Variants in VANGL1 observed in about 807,000 individuals in gnomAD.
VANGL1 encodes vang-like protein 1.
Under a neutral mutation model 48.4 loss-of-function variants are expected in VANGL1, and 18 were observed. The ratio of observed to expected loss-of-function variants is 0.37; its 90% CI spans 0.26 to 0.55. The LOEUF (loss-of-function observed/expected upper bound fraction) is 0.55. Among genes scored for constraint, VANGL1 ranks in the 20% least tolerant of loss-of-function variants. The pLI, the probability that VANGL1 is intolerant of heterozygous loss-of-function variation, is 0.81. For synonymous variants in VANGL1, 257 were observed against 261.8 expected, an observed-to-expected ratio of 0.98 and a Z score of 0.18; for missense variants, 667 against 675.8, an observed-to-expected ratio of 0.99 and a Z score of 0.14.
rs1652473076 is a variant in VANGL1, at chr1:115,659,630, TTG to T, written c.72-9_72-8del. The T allele has an allele frequency of 6.2e-7, 1 of 1,614,022 alleles. No individual in the cohort carries two copies. Among genetic ancestry groups the T allele is most frequent in the Admixed American group, 1.7e-5 (1 of 59,990 alleles). On this transcript the variant is annotated splice_polypyrimidine_tract_variant and intron_variant, in intron 2 of 7. Coordinates refer to ENST00000355485, the MANE Select transcript of VANGL1 (RefSeq NM_138959.3). ...ATGGCATAAATGTGCTAGCTCATTG[TTG>T]TTTTTCAGGGAAAGAACTAGAGAGA...
chr1:115,666,646 G>A (rs918755180), intron 4 of VANGL1, among the ~76,000 whole-genome samples: 1 of 152,186 alleles, frequency 6.6e-6, no homozygotes, highest in African/African-American at 2.4e-5. Context: ...ATCTGCCCTG[G>A]GGAGAGCGTT....
rs185472377 is a variant in VANGL1 at position 115,683,666 on chromosome 1, A to G, written c.947-278A>G. Among the ~76,000 whole-genome samples the G allele has an allele frequency of 1.4e-3, 220 of 152,282 alleles. 1 individual carries two copies. Among genetic ancestry groups the G allele is most frequent in the Admixed American group, 0.013 (201 of 15,294 alleles). ...ACTCTATGTGTTGTTTTTGGCCAAC[A>G]TTTTAATTGCCACCGTTCTTCATGC... On this transcript the variant is annotated intron_variant, in intron 5 of 7. Transcript: ENST00000355485.
At chr1:115,659,537 GT>G in intron 2 of VANGL1, 103 bp from the exon 3 acceptor site, 2 of 1,294,456 alleles carry the variant, frequency 1.5e-6, no homozygotes, top group Non-Finnish European at 2.2e-6. Context: ...GTGTGTGTGT[GT>G]GTATGTAGAA....
chr1:115,688,704 C>T lies in VANGL1; in HGVS notation c.1315-2415C>T, dbSNP rs544738634. Among the ~76,000 whole-genome samples the T allele has an allele frequency of 1.5e-5, 2 of 137,474 alleles. 1 individual carries two copies. The highest frequency in any genetic ancestry group is 4.1e-4 in the East Asian group (2 of 4,900). 90.2% of individuals were successfully genotyped at this position (137,474 alleles called of 152,430 possible). A position where few individuals can be genotyped will look rare whatever the true frequency, so the allele number is the denominator to read the frequency against. Reference sequence around the variant, plus strand: ...TGAGATTTTTTATTTCCCACATACTCGGGAGCATTGGATGTTATTTTTTAA... The same window carrying T: ...TGAGATTTTTTATTTCCCACATACTTGGGAGCATTGGATGTTATTTTTTAA... On this transcript the variant is annotated intron_variant, in intron 7 of 7. Coordinates refer to ENST00000355485, the MANE Select transcript of VANGL1 (RefSeq NM_138959.3).
At chr1:115,646,493 CT>C (rs34575210) in intron 1 of VANGL1, among the ~76,000 whole-genome samples, 1,457 of 128,644 alleles carry the variant, frequency 0.011, 16 homozygotes, top group African/African-American at 0.03. Flanking sequence ...AGTAGTATAG[CT>C]TTTTTTTTTT....
At position 115,663,748 on chromosome 1, in the gene VANGL1, G is replaced by T. The variant is rs1338555204; in HGVS notation, c.292G>T (p.Asp98Tyr). ...SQEDIARISK[D>Y]MEDSVGLDCK... is the part of the protein sequence containing the mutation. ...AGAGGACATTGCCAGGATCAGCAAG[G>T]ACATGGAGGACAGCGTGGGGCTGGA... Residue 98 changes from aspartate (D) to tyrosine (Y), a missense_variant, in exon 4 of 8, where the codon GAC becomes TAC. Asp to Tyr is a radical substitution (Grantham distance 160). Transcript: ENST00000355485. The T allele has an allele frequency of 6.2e-7, 1 of 1,614,116 alleles. No individual in the cohort carries two copies. Among genetic ancestry groups the T allele is most frequent in the Non-Finnish European group, 8.5e-7 (1 of 1,180,052 alleles).
At chr1:115,654,583 C>T (rs61800296) in intron 2 of VANGL1, among the ~76,000 whole-genome samples, 6,032 of 151,556 alleles carry the variant, frequency 0.04, 180 homozygotes, top group Non-Finnish European at 0.06. Context: ...GTTTACCCAC[C>T]AGCTGAAATG....
At chr1:115,665,996 A>G (rs1224420984) in intron 4 of VANGL1, among the ~76,000 whole-genome samples, 2 of 152,222 alleles carry the variant, frequency 1.3e-5, no homozygotes, top group African/African-American at 4.8e-5. Flanking sequence ...ATAGGAACAC[A>G]GGAGGACAGA....
rs780171641 is a variant in VANGL1 at position 115,695,665 on chromosome 1, C to T, written c.*4286C>T. The T allele has an allele frequency of 4.6e-5, 7 of 152,172 alleles. No individual in the cohort carries two copies. Among genetic ancestry groups the T allele is most frequent in the African/African-American group, 1.4e-4 (6 of 41,430 alleles). The allele number at this position is 152,172 out of a possible 1,614,324, so 9.4% of individuals were successfully genotyped here. A position where few individuals can be genotyped will look rare whatever the true frequency, so the allele number is the denominator to read the frequency against. ...TTATCAGGTAATGTATGTCACAGTC[C>T]GTGTTCCACCCAGCCTTGTTATCCC... On this transcript the variant is annotated 3_prime_UTR_variant, in exon 8 of 8. Coordinates refer to ENST00000355485, the MANE Select transcript of VANGL1 (RefSeq NM_138959.3).
In VANGL1 at chr1:115,692,175, T is replaced by C. The variant is rs1057242305; in HGVS notation, c.*796T>C. The C allele has an allele frequency of 6.6e-6, 1 of 152,572 alleles. No homozygotes were observed. Among genetic ancestry groups the C allele is most frequent in the Admixed American group, 6.5e-5 (1 of 15,274 alleles). 9.5% of individuals were successfully genotyped at this position (152,572 alleles called of 1,614,324 possible). On this transcript the variant is annotated 3_prime_UTR_variant, in exon 8 of 8. Transcript: ENST00000355485. ...GCCTCAAGTCAGTCCCAGCATTGTT[T>C]CCATAGGGAAGTGTGGGGTGCCCAG...
chr1:115,650,761 A>C (rs1225172515), intron 1 of VANGL1, among the ~76,000 whole-genome samples: 1 of 151,976 alleles, frequency 6.6e-6, no homozygotes, highest in Non-Finnish European at 1.5e-5. Flanking sequence ...AGACCACAAT[A>C]ATTTTTCTTT....
chr1:115,686,119 CTTACACAACAACCCTGTCAGAGAGATA>C (rs1653606970), intron 7 of VANGL1, among the ~76,000 whole-genome samples: 1 of 152,070 alleles, frequency 6.6e-6, no homozygotes, highest in African/African-American at 2.4e-5. Flanking sequence ...CAATGTAATT[CTTACACAACAACCCTGTCAGAGAGATA>C]TTATTATTAT....
chr1:115,661,673 A>T (rs1652556917), intron 3 of VANGL1, among the ~76,000 whole-genome samples: 1 of 151,996 alleles, frequency 6.6e-6, no homozygotes, highest in African/African-American at 2.4e-5. Flanking sequence ...GCTGGAGTGC[A>T]GCGGCATGAT....
At position 115,687,644 on chromosome 1, in the gene VANGL1, G is replaced by A. The variant is rs1290122189; in HGVS notation, c.1314+2117G>A. Among the ~76,000 whole-genome samples the A allele has an allele frequency of 2.2e-5, 3 of 134,908 alleles. 1 individual carries two copies. 88.5% of individuals were successfully genotyped at this position (134,908 alleles called of 152,430 possible). On this transcript the variant is annotated intron_variant, in intron 7 of 7. Transcript: ENST00000355485. ...GTATATATTCTTTCAAATATATGTA[G>A]ATGTTTTTTAAGCTGAAATGGGAAA...
At position 115,689,076 on chromosome 1, in the gene VANGL1, C is replaced by T. The variant is rs1332412877; in HGVS notation, c.1315-2043C>T. On this transcript the variant is annotated intron_variant, in intron 7 of 7. Transcript: ENST00000355485. The stretch of plus-strand genomic sequence containing the variant: ...AAAGTTCTGGGATTACAGGCATGAG[C>T]CACTGCGCCCAGCCTATATTTCTTT... Among the ~76,000 whole-genome samples, 2 of 137,688 alleles carry T rather than the reference C, an allele frequency of 1.5e-5. 1 individual carries two copies. The highest frequency in any genetic ancestry group is 3.2e-5 in the Non-Finnish European group (2 of 63,152). The allele number at this position is 137,688 out of a possible 152,430, so 90.3% of individuals were successfully genotyped here.
intron 1 of VANGL1, among the ~76,000 whole-genome samples, chr1:115,649,395 G>T (rs1435023570): frequency 2.0e-4 from 30 of 152,190 alleles, no homozygotes; most frequent in Admixed American, 2.0e-3. Flanking sequence ...TGTACAGCTA[G>T]TTAGTAGGCA....
rs1207981598 is a variant in VANGL1 at position 115,694,596 on chromosome 1, G to T, written c.*3217G>T. Reference sequence around the variant, plus strand: ...TGGGATGCTACCAGCATATTGGACTGACAGAAATTGATTACCTTGCCACTC... The same window carrying T: ...TGGGATGCTACCAGCATATTGGACTTACAGAAATTGATTACCTTGCCACTC... On this transcript the variant is annotated 3_prime_UTR_variant, in exon 8 of 8. Coordinates refer to ENST00000355485, the MANE Select transcript of VANGL1 (RefSeq NM_138959.3). The T allele has an allele frequency of 1.3e-5, 2 of 152,140 alleles. No individual in the cohort carries two copies. The highest frequency in any genetic ancestry group is 3.9e-4 in the East Asian group (2 of 5,186). The allele number at this position is 152,140 out of a possible 1,614,324, so 9.4% of individuals were successfully genotyped here.
At chr1:115,647,120 GA>G (rs1651970727) in intron 1 of VANGL1, among the ~76,000 whole-genome samples, 1 of 152,352 alleles carries the variant, frequency 6.6e-6, no homozygotes, top group African/African-American at 2.4e-5. Context: ...TTTAAACAGG[GA>G]AGTGACGTCT....
At chr1:115,668,735 C>T (rs2101011382) in intron 4 of VANGL1, among the ~76,000 whole-genome samples, 1 of 152,304 alleles carries the variant, frequency 6.6e-6, no homozygotes, top group South Asian at 2.1e-4. Context: ...TTCTCTCCTC[C>T]TTCTTTTCCT....
Sources: allele counts gnomAD v4.1 joint callset (sites outside exome capture counted in the v4.1 genomes callset), GRCh38; gene constraint gnomAD v4.1.1; transcripts MANE v1.5; gene names NCBI Gene and HGNC (gene_info 2026-07-23, HGNC 2026-07-21).